The following SLCO5A1 variants were observed in gnomAD, a reference collection of about 807,000 sequenced individuals.
SLCO5A1 encodes solute carrier organic anion transporter family member 5A1, also known as organic anion transporter polypeptide-related protein 4.
In SLCO5A1, 39 loss-of-function variants were observed where a neutral mutation model predicts 65.1. The ratio of observed to expected loss-of-function variants is 0.60; its 90% CI spans 0.46 to 0.78. The LOEUF is 0.78. Among genes scored for constraint, SLCO5A1 ranks in the 30% least tolerant of loss-of-function variants. The pLI, the probability that SLCO5A1 is intolerant of heterozygous loss-of-function variation, is 0.00. For missense variants in SLCO5A1, 1,029 were observed against 1,069.4 expected (o/e 0.96, Z 0.53); for synonymous variants, 438 against 415.7 (o/e 1.05, Z -0.65).
chr8:69,780,079 T>A (rs2130881758), intron 2 of SLCO5A1, among the ~76,000 whole-genome samples: 1 of 152,068 alleles, frequency 6.6e-6, no homozygotes, highest in East Asian at 1.9e-4. Context: ...ATCAGAGAAA[T>A]GCAATTTAAA....
chr8:69,671,383 A>C lies in SLCO5A1; in HGVS notation c.*1486T>G, dbSNP rs1399299949. ...AAAACATTTCCCTAATTAGCCCTCC[A>C]TGACCATAGGCTCCTTGGCAGAAAA... On this transcript the variant is annotated 3_prime_UTR_variant, in exon 10 of 10. Transcript: ENST00000260126. 6.6e-6 allele frequency: 1 copy of C among 152,260 alleles called. No individual in the cohort carries two copies. The highest frequency in any genetic ancestry group is 6.5e-5 in the Admixed American group (1 of 15,288). The allele number at this position is 152,260 out of a possible 1,614,324, so 9.4% of individuals were successfully genotyped here.
intron 4 of SLCO5A1, among the ~76,000 whole-genome samples, chr8:69,753,454 T>C (rs2130857172): frequency 6.6e-6 from 1 of 152,274 alleles, no homozygotes; most frequent in East Asian, 1.9e-4. Context: ...ACCTCTGCCA[T>C]GAAAACAGTA....
chr8:69,691,563 T>G (rs1814261874), intron 6 of SLCO5A1, among the ~76,000 whole-genome samples: 1 of 152,224 alleles, frequency 6.6e-6, no homozygotes, highest in Non-Finnish European at 1.5e-5. Context: ...ACTTGACTCT[T>G]TTAGATACCT....
chr8:69,779,926 C>A (rs1818725993), intron 2 of SLCO5A1, among the ~76,000 whole-genome samples: 1 of 151,920 alleles, frequency 6.6e-6, no homozygotes, highest in South Asian at 2.1e-4. Flanking sequence ...GGACTGATAT[C>A]CAGAATTTAT....
chr8:69,692,146 G>A (rs1814289839), intron 6 of SLCO5A1, among the ~76,000 whole-genome samples: 1 of 152,226 alleles, frequency 6.6e-6, no homozygotes, highest in Non-Finnish European at 1.5e-5. Flanking sequence ...CTACTTGGGA[G>A]GCTGAGGCAG....
chr8:69,700,457 G>T (rs2380567), intron 6 of SLCO5A1: 7 of 151,810 alleles, frequency 4.6e-5, no homozygotes, highest in Non-Finnish European at 4.4e-5. Flanking sequence ...AACAAGAAAA[G>T]GAGAGATCAA....
Position 69,832,757 on chromosome 8 carries a change from G to T in SLCO5A1, c.-84C>A. Reference sequence around the variant, plus strand: ...CCACCGGCACGAGGGGCCGAAGCCGGGCCCAGTCAGTCTTGCCCACCTGGG... The same window carrying T: ...CCACCGGCACGAGGGGCCGAAGCCGTGCCCAGTCAGTCTTGCCCACCTGGG... On this transcript the variant is annotated 5_prime_UTR_variant, in exon 2 of 10. Transcript: ENST00000260126. This position sits in a 1 kb window ranked among gnomAD's most constrained non-coding sequence, Gnocchi z 4.5. The T allele has an allele frequency of 6.8e-7, 1 of 1,469,862 alleles. No individual in the cohort carries two copies. Among genetic ancestry groups the T allele is most frequent in the Non-Finnish European group, 9.0e-7 (1 of 1,106,750 alleles). 91.1% of individuals were successfully genotyped at this position (1,469,862 alleles called of 1,614,324 possible). A position where few individuals can be genotyped will look rare whatever the true frequency, so the allele number is the denominator to read the frequency against.
At chr8:69,737,305 C>A (rs1816603087) in intron 5 of SLCO5A1, among the ~76,000 whole-genome samples, 1 of 152,166 alleles carries the variant, frequency 6.6e-6, no homozygotes, top group African/African-American at 2.4e-5. Flanking sequence ...TTTAAATACA[C>A]TTCAACTACT....
intron 2 of SLCO5A1, among the ~76,000 whole-genome samples, chr8:69,763,650 A>G (rs1458994335): frequency 6.9e-6 from 1 of 145,388 alleles, no homozygotes; most frequent in African/African-American, 2.5e-5. Flanking sequence ...AAAAAAAAAA[A>G]AGGGTGTATA....
intron 2 of SLCO5A1, among the ~76,000 whole-genome samples, chr8:69,799,803 A>G (rs1279963766): frequency 3.3e-5 from 5 of 152,194 alleles, no homozygotes; most frequent in East Asian, 3.8e-4. Flanking sequence ...AGGATAACCA[A>G]TGATCAACTG....
chr8:69,742,949 T>C (rs1168405010), intron 4 of SLCO5A1, among the ~76,000 whole-genome samples: 6 of 151,974 alleles, frequency 3.9e-5, no homozygotes, highest in African/African-American at 1.5e-4. Context: ...TACAGACACT[T>C]GCCACCATGC....
chr8:69,700,067 G>A (rs1814660711), intron 6 of SLCO5A1, among the ~76,000 whole-genome samples: 1 of 152,240 alleles, frequency 6.6e-6, no homozygotes, highest in Non-Finnish European at 1.5e-5. Context: ...CGGCACTCCA[G>A]CCTGAATGAC....
intron 4 of SLCO5A1, among the ~76,000 whole-genome samples, chr8:69,749,295 A>G (rs914858332): frequency 2.0e-5 from 3 of 152,022 alleles, no homozygotes; most frequent in African/African-American, 7.2e-5. Flanking sequence ...TCTCTCCATC[A>G]TTCCCATATC....
At chr8:69,753,739 G>A (rs577180709) in intron 4 of SLCO5A1, among the ~76,000 whole-genome samples, 2 of 152,080 alleles carry the variant, frequency 1.3e-5, no homozygotes, top group South Asian at 2.1e-4. Flanking sequence ...GGCCAGGCAT[G>A]GTGGCTCACG....
chr8:69,720,156 C>T (rs1187187101), intron 5 of SLCO5A1, among the ~76,000 whole-genome samples: 1 of 152,120 alleles, frequency 6.6e-6, no homozygotes, highest in African/African-American at 2.4e-5. Context: ...CACATATTTT[C>T]AGATAAAACT....
intron 2 of SLCO5A1, among the ~76,000 whole-genome samples, chr8:69,786,581 C>G (rs984488721): frequency 1.3e-5 from 2 of 152,082 alleles, no homozygotes; most frequent in Non-Finnish European, 2.9e-5. Flanking sequence ...TAGTAAGAAC[C>G]CTTAGAAACA....
intron 2 of SLCO5A1, among the ~76,000 whole-genome samples, chr8:69,779,358 G>A (rs1172327648): frequency 6.6e-6 from 1 of 152,110 alleles, no homozygotes; most frequent in Non-Finnish European, 1.5e-5. Context: ...TGTTAACTAT[G>A]TAGAATAAAA....
chr8:69,697,378 A>C (rs1002479958), intron 6 of SLCO5A1, among the ~76,000 whole-genome samples: 1 of 152,196 alleles, frequency 6.6e-6, no homozygotes, highest in Non-Finnish European at 1.5e-5. Context: ...CGACAGAGCG[A>C]GATTCTGTTT....
intron 5 of SLCO5A1, 99 bp downstream of exon 5, chr8:69,737,941 G>A (rs947129815): frequency 1.5e-6 from 2 of 1,314,096 alleles, no homozygotes; most frequent in Admixed American, 4.4e-5. Context: ...TAATGAACTA[G>A]CTTAACACTT....
Sources: allele counts gnomAD v4.1 joint callset (sites outside exome capture counted in the v4.1 genomes callset), GRCh38; gene constraint gnomAD v4.1.1; non-coding constraint Gnocchi (gnomAD v3.1); transcripts MANE v1.5; gene names NCBI Gene and HGNC (gene_info 2026-07-23, HGNC 2026-07-21).